GRIP1: variants seen among roughly 807,000 people sequenced by gnomAD.
GRIP1 encodes the protein glutamate receptor interacting protein 1, also known as glutamate receptor-interacting protein 1.
GRIP1 carries 45 observed loss-of-function variants against 129.9 expected under a neutral mutation model. The ratio of observed to expected loss-of-function variants is 0.35; its 90% CI spans 0.27 to 0.44. The LOEUF (loss-of-function observed/expected upper bound fraction) is 0.44, where lower values mean the gene tolerates loss of function less well. Among genes scored for constraint, GRIP1 ranks in the 20% least tolerant of loss-of-function variants. The probability of loss-of-function intolerance (pLI) is 1.00; values close to 1 mark genes in which losing one functional copy is unlikely to be tolerated. For missense variants in GRIP1, 1,196 were observed against 1,396.8 expected, an observed-to-expected ratio of 0.86 and a Z score of 2.29; for synonymous variants, 530 against 520.8, an observed-to-expected ratio of 1.02 and a Z score of -0.24.
intron 23 of GRIP1, among the ~76,000 whole-genome samples, chr12:66,363,579 C>T (rs534337620): frequency 1.5e-4 from 23 of 151,894 alleles, no homozygotes; most frequent in Non-Finnish European, 2.8e-4. Flanking sequence ...ACAAGTTTTG[C>T]CATCCTGTTA....
intron 1 of GRIP1, among the ~76,000 whole-genome samples, chr12:66,665,755 C>A (rs2033759670): frequency 6.6e-6 from 1 of 152,152 alleles, no homozygotes. Flanking sequence ...TCTTTTGAGT[C>A]ACGTAGCATG....
chr12:66,562,643 G>A (rs138208358), intron 2 of GRIP1, among the ~76,000 whole-genome samples: 3 of 152,100 alleles, frequency 2.0e-5, no homozygotes, highest in Non-Finnish European at 4.4e-5. Flanking sequence ...ATTTACAGTA[G>A]AAGGAGTTTT....
At chr12:66,503,680 A>G (rs1361729447) in intron 7 of GRIP1, among the ~76,000 whole-genome samples, 20 of 152,122 alleles carry the variant, frequency 1.3e-4, no homozygotes, top group Admixed American at 1.3e-3. Flanking sequence ...TTCTACCCCT[A>G]ACAGAATGAG....
At chr12:66,962,362 T>C (rs2041933469) in intron 1 of GRIP1, among the ~76,000 whole-genome samples, 1 of 151,888 alleles carries the variant, frequency 6.6e-6, no homozygotes, top group Non-Finnish European at 1.5e-5. Context: ...ACAGGAAAAA[T>C]GGGTCAAGTG....
At position 66,457,768 on chromosome 12, in the gene GRIP1, G is replaced by A. The variant is rs145821258; in HGVS notation, c.1043-1426C>T. Among the ~76,000 whole-genome samples the A allele has an allele frequency of 1.8e-4, 28 of 152,206 alleles. 1 individual carries two copies. In the East Asian group the frequency reaches 2.1e-3, roughly 12 times the overall value. On this transcript the variant is annotated intron_variant, in intron 9 of 24. Transcript: ENST00000359742. ...GACATGAAAAAAAAAGCACTAGCAC[G>A]GACAGATCACTGCGGGGTGAAGCAG...
upstream of GRIP1, among the ~76,000 whole-genome samples, chr12:66,807,250 C>T (rs557887333): frequency 4.6e-5 from 7 of 152,244 alleles, no homozygotes; most frequent in South Asian, 1.5e-3. Context: ...ATCCCTAGCA[C>T]TGGAGGTGGG....
intron 1 of GRIP1, among the ~76,000 whole-genome samples, chr12:66,890,939 C>T (rs2040648297): frequency 6.6e-6 from 1 of 152,116 alleles, no homozygotes; most frequent in Non-Finnish European, 1.5e-5. Flanking sequence ...TCCTCAGAGA[C>T]TTAACATCAC....
At chr12:67,050,048 A>G (rs891952412) in intron 1 of GRIP1, among the ~76,000 whole-genome samples, 20 of 149,504 alleles carry the variant, frequency 1.3e-4, no homozygotes, top group African/African-American at 5.0e-4. Flanking sequence ...ATTGCTTTGA[A>G]TTCATATATG....
At chr12:66,531,817 A>C (rs1239298010) in intron 4 of GRIP1, among the ~76,000 whole-genome samples, 1 of 152,144 alleles carries the variant, frequency 6.6e-6, no homozygotes, top group African/African-American at 2.4e-5. Flanking sequence ...TTCTCTTGGT[A>C]AGTGAGGAAA....
intron 1 of GRIP1, among the ~76,000 whole-genome samples, chr12:66,863,103 A>C (rs183489683): frequency 6.6e-6 from 1 of 152,180 alleles, no homozygotes; most frequent in East Asian, 1.9e-4. Flanking sequence ...TGCCCACTTA[A>C]ACTAACTGAA....
At chr12:66,416,094 AAAC>A (rs1418972847) in intron 15 of GRIP1, among the ~76,000 whole-genome samples, 5 of 152,158 alleles carry the variant, frequency 3.3e-5, no homozygotes, top group Non-Finnish European at 7.4e-5. Context: ...AAGAAAAAAA[AAAC>A]ACGACGAATT....
intron 1 of GRIP1, among the ~76,000 whole-genome samples, chr12:66,895,190 GA>G (rs1482941318): frequency 3.3e-5 from 5 of 152,128 alleles, no homozygotes; most frequent in Non-Finnish European, 7.4e-5. Flanking sequence ...ATCTCATCTT[GA>G]ATTGTAGCTC....
chr12:66,420,358 C>T (rs142030201), intron 15 of GRIP1, among the ~76,000 whole-genome samples: 2 of 149,596 alleles, frequency 1.3e-5, no homozygotes, highest in Non-Finnish European at 3.0e-5. Flanking sequence ...CAGCAAAATT[C>T]TTGCACAACT....
At chr12:66,819,857 A>G (rs2039287391) in intron 1 of GRIP1, among the ~76,000 whole-genome samples, 1 of 152,234 alleles carries the variant, frequency 6.6e-6, no homozygotes, top group South Asian at 2.1e-4. Context: ...GAATCAGAGA[A>G]TCACTACTCT....
rs17103029 is a variant in GRIP1, at chr12:66,883,527, G to A, written c.58+185523C>T. Reference sequence around the variant, plus strand: ...TCATGGAAGGCTGCCCCTTCTGAGTGAAAACTGAATCTGATTAGAGACTAA... The same window carrying A: ...TCATGGAAGGCTGCCCCTTCTGAGTAAAAACTGAATCTGATTAGAGACTAA... On this transcript the variant is annotated intron_variant, in intron 1 of 1. Transcript: ENST00000643019. Among the ~76,000 whole-genome samples the A allele has an allele frequency of 8.2e-3, 1,242 of 152,264 alleles. 18 individuals are homozygous for A. The highest frequency in any genetic ancestry group is 0.028 in the African/African-American group (1,176 of 41,536).
At chr12:66,825,675 C>T (rs1161433122) in intron 1 of GRIP1, among the ~76,000 whole-genome samples, 1 of 152,164 alleles carries the variant, frequency 6.6e-6, no homozygotes, top group Admixed American at 6.6e-5. Context: ...CAGCACCTAA[C>T]AAATGTCAGC....
chr12:66,435,923 T>G (rs2058290464), intron 13 of GRIP1, among the ~76,000 whole-genome samples: 1 of 152,226 alleles, frequency 6.6e-6, no homozygotes. Flanking sequence ...TATTTTATAT[T>G]TGTTATTTTT....
chr12:66,648,654 A>G (rs2032556735), intron 1 of GRIP1, among the ~76,000 whole-genome samples: 1 of 152,216 alleles, frequency 6.6e-6, no homozygotes, highest in African/African-American at 2.4e-5. Flanking sequence ...TAATCAGAGA[A>G]TGGCTGAATG....
chr12:67,065,803 A>T (rs2043614664), intron 1 of GRIP1, among the ~76,000 whole-genome samples: 1 of 152,228 alleles, frequency 6.6e-6, no homozygotes, highest in East Asian at 1.9e-4. Flanking sequence ...TTTTCTCAAC[A>T]ACTATTTTCT....
Sources: allele counts gnomAD v4.1 joint callset (sites outside exome capture counted in the v4.1 genomes callset), GRCh38; gene constraint gnomAD v4.1.1; transcripts MANE v1.5; gene names NCBI Gene and HGNC (gene_info 2026-07-23, HGNC 2026-07-21).